OTUD7A: variants seen among roughly 807,000 people sequenced by gnomAD.
OTUD7A encodes OTU domain-containing protein 7A.
OTUD7A carries 12 observed loss-of-function variants against 65.7 expected under a neutral mutation model. The ratio of observed to expected loss-of-function variants is 0.18; its 90% CI spans 0.12 to 0.30. The LOEUF is 0.30. OTUD7A is among the 10% of genes least tolerant of loss of function. The pLI, the probability that OTUD7A is intolerant of heterozygous loss-of-function variation, is 1.00. For synonymous variants in OTUD7A, 641 were observed against 586.3 expected (o/e 1.09, Z -1.35); for missense variants, 1,148 against 1,304.8 (o/e 0.88, Z 1.85).
At chr15:31,566,109 T>C (rs1336957477) in intron 4 of OTUD7A, among the ~76,000 whole-genome samples, 1 of 150,872 alleles carries the variant, frequency 6.6e-6, no homozygotes, top group Non-Finnish European at 1.5e-5. Context: ...GAGAATGGTG[T>C]GAACCCATGA....
intron 1 of OTUD7A, chr15:31,767,242 A>C (rs1895114880): frequency 1.1e-6 from 1 of 917,504 alleles, no homozygotes; most frequent in East Asian, 2.4e-5. Context: ...ATCCCACTGG[A>C]TCTATCTGAA....
At chr15:31,819,953 C>T (rs1896640686) in intron 1 of OTUD7A, among the ~76,000 whole-genome samples, 1 of 152,122 alleles carries the variant, frequency 6.6e-6, no homozygotes, top group African/African-American at 2.4e-5. Context: ...CTCACCTCCA[C>T]ACTGTGAAAT....
chr15:31,552,844 A>C (rs1888369358), intron 5 of OTUD7A, among the ~76,000 whole-genome samples: 1 of 152,234 alleles, frequency 6.6e-6, no homozygotes, highest in African/African-American at 2.4e-5. Context: ...AAGGATGGGA[A>C]GGCAAACTTG....
intron 1 of OTUD7A, among the ~76,000 whole-genome samples, chr15:31,757,977 C>A (rs2140900253): frequency 6.6e-6 from 1 of 152,262 alleles, no homozygotes; most frequent in South Asian, 2.1e-4. Context: ...ACAAGCATAA[C>A]AATATTCAAT....
intron 1 of OTUD7A, among the ~76,000 whole-genome samples, chr15:31,749,709 G>A (rs1278125500): frequency 6.6e-6 from 1 of 151,772 alleles, no homozygotes; most frequent in Non-Finnish European, 1.5e-5. Flanking sequence ...TAACCAGAAC[G>A]ATCAGGCAAG....
In OTUD7A at chr15:31,478,440, G is replaced by A. The variant is rs2041058752; in HGVS notation, c.*4854C>T. The A allele has an allele frequency of 6.6e-6, 1 of 152,138 alleles. No individual in the cohort carries two copies. Among genetic ancestry groups the A allele is most frequent in the African/African-American group, 2.4e-5 (1 of 41,416 alleles). 9.4% of individuals were successfully genotyped at this position (152,138 alleles called of 1,614,324 possible). A position where few individuals can be genotyped will look rare whatever the true frequency, so the allele number is the denominator to read the frequency against. On this transcript the variant is annotated 3_prime_UTR_variant, in exon 13 of 13. Coordinates refer to ENST00000307050, the MANE Select transcript of OTUD7A (RefSeq NM_001382637.1). Reference sequence around the variant, plus strand: ...TATGTACATAATTAGGATTAGTGAGGCCCCCTTTTTTGGCAAGATTAAAAT... The same window carrying A: ...TATGTACATAATTAGGATTAGTGAGACCCCCTTTTTTGGCAAGATTAAAAT...
At chr15:31,764,814 G>A (rs187561975) in intron 1 of OTUD7A, among the ~76,000 whole-genome samples, 7 of 152,138 alleles carry the variant, frequency 4.6e-5, no homozygotes, top group South Asian at 2.1e-4. Context: ...TGAGTCTAAC[G>A]TGCACCAGTT....
At chr15:31,570,305 G>T in intron 3 of OTUD7A, 108 bp from the exon 4 acceptor site, 3 of 1,279,560 alleles carry the variant, frequency 2.3e-6, no homozygotes, top group Non-Finnish European at 2.2e-6. Flanking sequence ...ATAAACTAAT[G>T]AATTTTTACC....
intron 1 of OTUD7A, among the ~76,000 whole-genome samples, chr15:31,723,056 T>C (rs1258184355): frequency 3.3e-5 from 5 of 152,070 alleles, no homozygotes. Flanking sequence ...GATTCCACCA[T>C]GAGGACCATG....
At chr15:31,830,796 A>T (rs1342297095) in intron 1 of OTUD7A, among the ~76,000 whole-genome samples, 1 of 152,230 alleles carries the variant, frequency 6.6e-6, no homozygotes, top group Non-Finnish European at 1.5e-5. Context: ...CTTAGTCATC[A>T]CCATCACTCA....
In OTUD7A at chr15:31,857,141, C is replaced by T. The variant is rs1244431426; in HGVS notation, c.-100+13366G>A. Among the ~76,000 whole-genome samples the T allele has an allele frequency of 3.3e-5, 5 of 152,134 alleles. 1 individual carries two copies. The highest frequency in any genetic ancestry group is 1.2e-4 in the African/African-American group (5 of 41,432). ...CTCAGCTCCCAGGCTGATTTTAGACCCAGCTCCTGGCCCAAACTTGCCCCA... is the reference window on the plus strand; with the variant it reads ...CTCAGCTCCCAGGCTGATTTTAGACTCAGCTCCTGGCCCAAACTTGCCCCA... On this transcript the variant is annotated intron_variant, in intron 1 of 12. Coordinates refer to ENST00000307050, the MANE Select transcript of OTUD7A (RefSeq NM_001382637.1).
At chr15:31,592,905 ATAT>A (rs1389555683) in intron 3 of OTUD7A, among the ~76,000 whole-genome samples, 432 of 32,174 alleles carry the variant, frequency 0.013, 8 homozygotes, top group African/African-American at 0.017. Flanking sequence ...AAAAAAAAAA[ATAT>A]ATATATATAT....
intron 8 of OTUD7A, among the ~76,000 whole-genome samples, chr15:31,504,790 G>T (rs61118115): frequency 1.3e-5 from 2 of 152,186 alleles, no homozygotes; most frequent in Non-Finnish European, 2.9e-5. Context: ...AGCCACCTGG[G>T]ACTTCCAGAA....
At chr15:31,628,727 A>C (rs1891044609) in intron 3 of OTUD7A, among the ~76,000 whole-genome samples, 3 of 152,170 alleles carry the variant, frequency 2.0e-5, no homozygotes, top group African/African-American at 7.2e-5. Flanking sequence ...ACCCATGAGC[A>C]TGGAATGTTC....
rs569045624 is a variant in OTUD7A, at chr15:31,559,519, C to A, written c.332-332G>T. 1.2e-3 allele frequency among the ~76,000 whole-genome samples: 186 copies of A among 152,212 alleles called. 1 individual carries two copies. Among genetic ancestry groups the A allele is most frequent in the African/African-American group, 4.4e-3 (183 of 41,528 alleles). On this transcript the variant is annotated intron_variant, in intron 4 of 12. Transcript: ENST00000307050. The stretch of plus-strand genomic sequence containing the variant: ...ACATGCACACACATAAATGCTCACA[C>A]ATGAATACGAAAGCATACACAGGAT...
At chr15:31,518,619 G>A (rs1015754501) in intron 8 of OTUD7A, among the ~76,000 whole-genome samples, 1 of 152,188 alleles carries the variant, frequency 6.6e-6, no homozygotes, top group Non-Finnish European at 1.5e-5. Flanking sequence ...TCCTCCTGAT[G>A]CATCCTGAGA....
chr15:31,741,520 G>C (rs1342582979), intron 1 of OTUD7A, among the ~76,000 whole-genome samples: 1 of 151,956 alleles, frequency 6.6e-6, no homozygotes, highest in African/African-American at 2.4e-5. Context: ...ATTTTCAAGA[G>C]TTAAATGTTA....
chr15:31,588,464 A>T (rs1265430391), intron 3 of OTUD7A, among the ~76,000 whole-genome samples: 1 of 152,204 alleles, frequency 6.6e-6, no homozygotes, highest in Non-Finnish European at 1.5e-5. Context: ...ACACAAAGGG[A>T]TTTCAAAGTT....
intron 4 of OTUD7A, among the ~76,000 whole-genome samples, chr15:31,559,647 C>T (rs1001145985): frequency 6.6e-6 from 1 of 152,152 alleles, no homozygotes; most frequent in Non-Finnish European, 1.5e-5. Flanking sequence ...CAGACACACA[C>T]ATAGAAACAG....
Sources: gnomAD v4.1 joint callset for allele counts (sites outside exome capture counted in the v4.1 genomes callset) on GRCh38, gnomAD v4.1.1 for gene constraint, MANE v1.5 for transcripts, NCBI Gene and HGNC (gene_info 2026-07-23, HGNC 2026-07-21) for gene names.